The following DOCK8 variants were observed in gnomAD, a reference collection of about 807,000 sequenced individuals.
DOCK8 encodes the protein dedicator of cytokinesis protein 8.
A neutral mutation model predicts 245.6 loss-of-function variants in DOCK8; 141 were observed. The observed-to-expected ratio is 0.57, with a 90% CI of 0.50 to 0.66. DOCK8 has a LOEUF of 0.66. Among genes scored for constraint, DOCK8 ranks in the 30% least tolerant of loss-of-function variants. The probability of loss-of-function intolerance (pLI) is 0.00; values close to 1 mark genes in which losing one functional copy is unlikely to be tolerated. For missense variants in DOCK8, 2,965 were observed against 2,603.4 expected (o/e 1.14, Z -3.02); for synonymous variants, 1,168 against 970.2 (o/e 1.20, Z -3.79).
chr9:336,765 A>G (rs747968024), intron 12 of DOCK8, 47 bp downstream of exon 12: 23 of 1,612,348 alleles, frequency 1.4e-5, no homozygotes, highest in Non-Finnish European at 1.8e-5. Context: ...CCATACTGGC[A>G]TGGGCACTGG....
chr9:333,635 C>G (rs570660753), intron 10 of DOCK8, among the ~76,000 whole-genome samples: 1 of 151,278 alleles, frequency 6.6e-6, no homozygotes, highest in Non-Finnish European at 1.5e-5. Flanking sequence ...TGGAATAAGA[C>G]TTACCTTATT....
Position 289,526 on chromosome 9 carries a change from C to T in DOCK8, c.349C>T (p.His117Tyr), listed in dbSNP as rs764963937. 30 of 1,613,656 alleles carry T rather than the reference C, an allele frequency of 1.9e-5. No individual in the cohort carries two copies. Among genetic ancestry groups the T allele is most frequent in the Non-Finnish European group, 2.0e-5 (24 of 1,179,714 alleles). ...LPEEGVELDP[H>Y]VRDCVQTYIR... ...CCTCATTAGGGTTGAACTGGACCCT[C>T]ATGTCAGGGACTGTGTTCAGACCTA... Residue 117 changes from histidine to tyrosine, a missense_variant, in exon 4 of 48, where the codon CAT becomes TAT. By Grantham distance (83) the His-to-Tyr change is moderately conservative. Transcript: ENST00000432829.
intron 26 of DOCK8, among the ~76,000 whole-genome samples, chr9:400,961 ACCACCTCCT>A: frequency 1.5e-5 from 1 of 68,078 alleles, no homozygotes; most frequent in Non-Finnish European, 2.3e-5. Context: ...CACCACCACC[ACCACCTCCT>A]CCACCATCAC....
chr9:256,896 A>C (rs1485543081), intron 1 of DOCK8, among the ~76,000 whole-genome samples: 2 of 152,158 alleles, frequency 1.3e-5, no homozygotes, highest in African/African-American at 4.8e-5. Context: ...AGAATAAATC[A>C]ATGTCAGACA....
intron 46 of DOCK8, chr9:460,241 C>G (rs1587133270): frequency 6.6e-6 from 1 of 152,338 alleles, no homozygotes; most frequent in South Asian, 2.1e-4. Flanking sequence ...ACACATTTAA[C>G]TCAGTCAAGG....
chr9:251,736 T>C (rs1285547650), intron 1 of DOCK8, among the ~76,000 whole-genome samples: 2 of 152,182 alleles, frequency 1.3e-5, no homozygotes, highest in African/African-American at 2.4e-5. Flanking sequence ...ATAGAGTTGT[T>C]GTGAGGACTA....
intron 7 of DOCK8, among the ~76,000 whole-genome samples, chr9:319,824 T>G (rs1487190895): frequency 6.6e-6 from 1 of 152,228 alleles, no homozygotes; most frequent in African/African-American, 2.4e-5. Context: ...TTTTTCTGTT[T>G]TGTGTTTTAA....
intron 14 of DOCK8, among the ~76,000 whole-genome samples, chr9:356,459 G>A (rs2052451374): frequency 6.6e-6 from 1 of 151,842 alleles, no homozygotes; most frequent in Non-Finnish European, 1.5e-5. Context: ...GAACCCAGGA[G>A]GCAGAGCTTG....
chr9:245,733 G>C (rs974842849), intron 1 of DOCK8, among the ~76,000 whole-genome samples: 18 of 152,284 alleles, frequency 1.2e-4, no homozygotes, highest in African/African-American at 4.3e-4. Flanking sequence ...TTAGTGCCAG[G>C]AGGCAGGTAC....
At chr9:319,559 C>G (rs1412718665) in intron 7 of DOCK8, among the ~76,000 whole-genome samples, 1 of 152,146 alleles carries the variant, frequency 6.6e-6, no homozygotes, top group Non-Finnish European at 1.5e-5. Flanking sequence ...TAGAATGTGA[C>G]AGTATGAATA....
intron 2 of DOCK8, among the ~76,000 whole-genome samples, chr9:279,531 G>C (rs1355708588): frequency 1.3e-5 from 2 of 152,162 alleles, no homozygotes; most frequent in East Asian, 3.9e-4. Flanking sequence ...GTCACAATTT[G>C]CCTGGTACTG....
At chr9:293,105 C>T (rs2049112601) in intron 4 of DOCK8, among the ~76,000 whole-genome samples, 1 of 152,202 alleles carries the variant, frequency 6.6e-6, no homozygotes, top group Non-Finnish European at 1.5e-5. Context: ...TGGAGCAGTT[C>T]CCTTCTTAAC....
At chr9:448,455 TCTC>T (rs2057332122) in intron 44 of DOCK8, among the ~76,000 whole-genome samples, 1 of 152,186 alleles carries the variant, frequency 6.6e-6, no homozygotes, top group Admixed American at 6.5e-5. Flanking sequence ...CAACAACAGT[TCTC>T]AGCTGTTTGC....
chr9:400,824 CCAT>C (rs1344494265), intron 26 of DOCK8, among the ~76,000 whole-genome samples: 4 of 46,932 alleles, frequency 8.5e-5, no homozygotes, highest in East Asian at 8.3e-4. Context: ...ACCACCTCCA[CCAT>C]CACCATCACC....
intron 42 of DOCK8, 137 bp downstream of exon 42, chr9:442,146 T>C: frequency 8.0e-7 from 1 of 1,246,680 alleles, no homozygotes; most frequent in Non-Finnish European, 1.1e-6. Flanking sequence ...CCTTTGCATT[T>C]ATAAAAGGCA....
intron 14 of DOCK8, among the ~76,000 whole-genome samples, chr9:342,297 C>CTTTTTTTTTTT (rs34071975): frequency 8.0e-6 from 1 of 124,412 alleles, no homozygotes; most frequent in Non-Finnish European, 1.7e-5. Flanking sequence ...TTTCTTTTTT[C>CTTTTTTTTTTT]TTTTTTTTTT....
At chr9:383,216 A>T (rs1385056008) in intron 22 of DOCK8, among the ~76,000 whole-genome samples, 1 of 151,994 alleles carries the variant, frequency 6.6e-6, no homozygotes, top group African/African-American at 2.4e-5. Context: ...CCTGGCCAAC[A>T]TGGTGAAACC....
At chr9:424,247 G>A (rs2056396078) in intron 33 of DOCK8, among the ~76,000 whole-genome samples, 1 of 151,872 alleles carries the variant, frequency 6.6e-6, no homozygotes, top group Non-Finnish European at 1.5e-5. Flanking sequence ...AATCACCTGG[G>A]GAGCTTTAAA....
At chr9:358,736 C>G (rs944259130) in intron 14 of DOCK8, among the ~76,000 whole-genome samples, 1 of 149,304 alleles carries the variant, frequency 6.7e-6, no homozygotes, top group Non-Finnish European at 1.5e-5. Flanking sequence ...GTAGTCCCAG[C>G]TACTTGGGAG....
Sources: gnomAD v4.1 joint callset for allele counts (sites outside exome capture counted in the v4.1 genomes callset) on GRCh38, gnomAD v4.1.1 for gene constraint, MANE v1.5 for transcripts, NCBI Gene and HGNC (gene_info 2026-07-23, HGNC 2026-07-21) for gene names.